Variants in ABCA2 observed in about 807,000 individuals in gnomAD.
The protein encoded by ABCA2 is ATP binding cassette subfamily A member 2.
In ABCA2, 84 loss-of-function variants were observed where a neutral mutation model predicts 262.8. The observed-to-expected ratio is 0.32, with a 90% CI of 0.27 to 0.38. The LOEUF is 0.38. ABCA2 is among the 10% of genes least tolerant of loss of function. The probability of loss-of-function intolerance (pLI) is 1.00; values close to 1 mark genes in which losing one functional copy is unlikely to be tolerated. For synonymous variants in ABCA2, 1,696 were observed against 1,502.9 expected, an observed-to-expected ratio of 1.13 and a Z score of -2.97; for missense variants, 2,662 against 3,405.9, an observed-to-expected ratio of 0.78 and a Z score of 5.44.
intron 40 of ABCA2, 91 bp downstream of exon 40, chr9:137,010,529 C>A (rs758662229): frequency 1.3e-6 from 2 of 1,501,332 alleles, no homozygotes; most frequent in South Asian, 1.1e-5. Context: ...CAGGGCCCTG[C>A]CCACCCAGGC....
chr9:137,018,741 C>T lies in ABCA2; in HGVS notation c.1797G>A (p.Gln599=). 1 of 1,611,644 alleles carries T rather than the reference C, an allele frequency of 6.2e-7. No individual in the cohort carries two copies. Among genetic ancestry groups the T allele is most frequent in the Non-Finnish European group, 8.5e-7 (1 of 1,179,706 alleles). Residue 599 remains glutamine, a synonymous_variant, in exon 13 of 49, where the codon CAG becomes CAA. Transcript: ENST00000341511. The stretch of plus-strand genomic sequence containing the variant: ...CACTGGCAAAAACAGTGACGTTGTC[C>T]TGGTAGGCCTGGTTGAGGGTGTAGT... ...IVNYTLNQAY[Q]DNVTVFASVI... is the part of the protein sequence containing the mutation.
upstream of ABCA2, chr9:137,028,571 AC>A: frequency 2.7e-6 from 2 of 747,826 alleles, no homozygotes; most frequent in Non-Finnish European, 3.5e-6. This position sits in a 1 kb window ranked among gnomAD's most constrained non-coding sequence, Gnocchi z 6.9. Context: ...GGCTGCGCCC[AC>A]CGCGCTGGCG....
At position 137,011,137 on chromosome 9, in the gene ABCA2, G is replaced by C; in HGVS notation, c.5924-32C>G. The C allele has an allele frequency of 6.2e-7, 1 of 1,611,940 alleles. No individual in the cohort carries two copies. Among genetic ancestry groups the C allele is most frequent in the Non-Finnish European group, 8.5e-7 (1 of 1,179,636 alleles). Reference sequence around the variant, plus strand: ...GGAGACAGCTCAGGGCCTGTGCTCTGGGCCTTGCGGGGCCCCCACCGCCTT... The same window carrying C: ...GGAGACAGCTCAGGGCCTGTGCTCTCGGCCTTGCGGGGCCCCCACCGCCTT... On this transcript the variant is annotated intron_variant, in intron 38 of 48. Transcript: ENST00000341511. This position sits in a 1 kb window ranked among gnomAD's most constrained non-coding sequence, Gnocchi z 8.8.
rs945552081 is a variant in ABCA2 at position 137,022,544 on chromosome 9, C to G, written c.440-66G>C. On this transcript the variant is annotated intron_variant, in intron 5 of 48. Transcript: ENST00000341511. Reference sequence around the variant, plus strand: ...TTGGCAAGGTGCCCCCACATGCGCTCGGAGCCGAGCCCAACACCACAGCTC... The same window carrying G: ...TTGGCAAGGTGCCCCCACATGCGCTGGGAGCCGAGCCCAACACCACAGCTC... The G allele has an allele frequency of 2.1e-5, 33 of 1,578,740 alleles. No individual in the cohort carries two copies. The South Asian group carries it at 3.4e-4, about 16-fold the overall frequency.
In ABCA2 at chr9:137,007,813, G is replaced by T; in HGVS notation, c.*116C>A. On this transcript the variant is annotated 3_prime_UTR_variant, in exon 49 of 49. Transcript: ENST00000341511. Reference sequence around the variant, plus strand: ...GGAGGACCAGAAGCCCCTTGGTCCTGAACCTCCACTCCAGGCCCTGGCAGG... The same window carrying T: ...GGAGGACCAGAAGCCCCTTGGTCCTTAACCTCCACTCCAGGCCCTGGCAGG... The T allele has an allele frequency of 7.0e-7, 1 of 1,431,106 alleles. No individual in the cohort carries two copies. The highest frequency in any genetic ancestry group is 1.4e-5 in the African/African-American group (1 of 70,964). 88.7% of individuals were successfully genotyped at this position (1,431,106 alleles called of 1,614,324 possible).
intron 32 of ABCA2, 51 bp from the exon 33 acceptor site, chr9:137,012,427 C>T (rs1831088032): frequency 6.2e-7 from 1 of 1,608,484 alleles, no homozygotes; most frequent in Non-Finnish European, 8.5e-7. Flanking sequence ...GACCTGGGTC[C>T]CTGCAGACCT....
Position 137,020,966 on chromosome 9 carries a change from C to T in ABCA2, c.993G>A (p.Gln331=). 6.4e-7 allele frequency: 1 copy of T among 1,554,964 alleles called. No individual in the cohort carries two copies. The highest frequency in any genetic ancestry group is 8.7e-7 in the Non-Finnish European group (1 of 1,149,358). ...GGACATCCACATCCTGCAGAACCTT[C>T]TGGGCATCCAGCAGGTCCCCCAGAA... ...QALLGDLLDA[Q]KVLQDVDVLS... Residue 331 remains glutamine, a synonymous_variant, in exon 9 of 49, where the codon CAG becomes CAA. Coordinates refer to ENST00000341511, the MANE Select transcript of ABCA2 (RefSeq NM_001606.5).
chr9:137,014,608 A>C, intron 26 of ABCA2, 82 bp downstream of exon 26: 1 of 1,530,542 alleles, frequency 6.5e-7, no homozygotes, highest in Non-Finnish European at 8.8e-7. Context: ...GCGCCCCCAG[A>C]CACCAGGCAG....
chr9:137,021,946 T>C lies in ABCA2; in HGVS notation c.623A>G (p.His208Arg). The C allele has an allele frequency of 1.2e-6, 2 of 1,604,876 alleles. No individual in the cohort carries two copies. The highest frequency in any genetic ancestry group is 1.7e-6 in the Non-Finnish European group (2 of 1,177,076). Residue 208 changes from histidine (H) to arginine (R), a missense_variant, in exon 7 of 49, where the codon CAC becomes CGC. This residue lies in a region of ABCA2 where 403 missense variants were observed against 375.9 expected (regional missense o/e 1.07). Transcript: ENST00000341511. The surrounding 1 kb of genome is among the most constrained non-coding windows in gnomAD (Gnocchi z 6.0). ...GCGGCTCCAGGGCTCCTGACCCTTG[T>C]GGAGGCCAGACTGTGAATCCAGGGC... ...SSALDSQSGL[H>R]KGQEPWSRLG...
chr9:137,011,419 G>A lies in ABCA2; in HGVS notation c.5787C>T (p.Phe1929=), dbSNP rs377542847. 139 of 1,611,176 alleles carry A rather than the reference G, an allele frequency of 8.6e-5. 2 individuals carry two copies. The highest frequency in any genetic ancestry group is 2.2e-4 in the South Asian group (20 of 90,802). Residue 1929 remains phenylalanine, a synonymous_variant, in exon 37 of 49, where the codon TTC becomes TTT. Coordinates refer to ENST00000341511, the MANE Select transcript of ABCA2 (RefSeq NM_001606.5). This position sits in a 1 kb window ranked among gnomAD's most constrained non-coding sequence, Gnocchi z 8.8. ...ATVATFLLQL[F]EHDKDLKVVN... ...GTCACCGCCCCACCTTGTCGTGCTC[G>A]AAGAGCTGTAGCAGGAAGGTGGCCA...
intron 9 of ABCA2, 51 bp from the exon 10 acceptor site, chr9:137,020,546 G>C: frequency 6.5e-7 from 1 of 1,548,006 alleles, no homozygotes; most frequent in East Asian, 2.3e-5. Flanking sequence ...GCAGGGCCGC[G>C]AGAGTGGGAG....
At position 137,011,558 on chromosome 9, in the gene ABCA2, C is replaced by T. The variant is rs754957868; in HGVS notation, c.5652-4G>A. 6.7e-5 allele frequency: 105 copies of T among 1,575,120 alleles called. 1 individual carries two copies. The highest frequency in any genetic ancestry group is 4.1e-4 in the South Asian group (36 of 86,752). On this transcript the variant is annotated splice_region_variant and splice_polypyrimidine_tract_variant and intron_variant, in intron 36 of 48. Coordinates refer to ENST00000341511, the MANE Select transcript of ABCA2 (RefSeq NM_001606.5). The surrounding 1 kb of genome is among the most constrained non-coding windows in gnomAD (Gnocchi z 8.8). ...CATGATGGGCGTGATGGACCACCTG[C>T]GGGCAGGTGGCGGGCAGTGGTCACC...
rs189392748 is a variant in ABCA2, at chr9:137,011,779, C to G, written c.5536-30G>C. The G allele has an allele frequency of 3.9e-6, 6 of 1,550,116 alleles. 1 individual carries two copies. In the South Asian group the frequency reaches 5.9e-5, roughly 15 times the overall value. ...AGGGGTGGGGGCGGCTGGTGAGAGACCCGGGGCAGGGCGGGGATGGGGGAT... is the reference window on the plus strand; with the variant it reads ...AGGGGTGGGGGCGGCTGGTGAGAGAGCCGGGGCAGGGCGGGGATGGGGGAT... On this transcript the variant is annotated intron_variant, in intron 35 of 48. Coordinates refer to ENST00000341511, the MANE Select transcript of ABCA2 (RefSeq NM_001606.5). This position sits in a 1 kb window ranked among gnomAD's most constrained non-coding sequence, Gnocchi z 8.8.
At chr9:137,023,903 G>A (rs1831564465) in intron 2 of ABCA2, 63 bp from the exon 3 acceptor site, 2 of 1,057,712 alleles carry the variant, frequency 1.9e-6, no homozygotes, top group Admixed American at 1.9e-5. Context: ...CAGAACAGAG[G>A]AGACCAGTGA....
chr9:137,014,949 C>T lies in ABCA2; in HGVS notation c.3846G>A (p.Glu1282=), dbSNP rs1383393834. Residue 1282 remains glutamate, a synonymous_variant, in exon 25 of 49, where the codon GAG becomes GAA. Coordinates refer to ENST00000341511, the MANE Select transcript of ABCA2 (RefSeq NM_001606.5). The part of the protein sequence containing the change: ...STELSYILPS[E]AAKKGAFERL... ...GCTCGAAAGCCCCCTTCTTGGCGGC[C>T]TCGCTGGGCAGGATGTAGGAGAGCT... 6.4e-7 allele frequency: 1 copy of T among 1,565,854 alleles called. No homozygotes were observed. Among genetic ancestry groups the T allele is most frequent in the South Asian group, 1.2e-5 (1 of 84,176 alleles).
chr9:137,012,186 G>A, intron 33 of ABCA2, 24 bp from the exon 34 acceptor site: 2 of 1,610,602 alleles, frequency 1.2e-6, no homozygotes, highest in East Asian at 2.2e-5. Context: ...GGCGGGGGCG[G>A]CAGCTTCAGG....
Position 137,019,389 on chromosome 9 carries a change from T to C in ABCA2, c.1426-83A>G. The C allele has an allele frequency of 6.7e-7, 1 of 1,500,116 alleles. No homozygotes were observed. Among genetic ancestry groups the C allele is most frequent in the Non-Finnish European group, 9.0e-7 (1 of 1,106,632 alleles). The allele number at this position is 1,500,116 out of a possible 1,614,324, so 92.9% of individuals were successfully genotyped here. A position where few individuals can be genotyped will look rare whatever the true frequency, so the allele number is the denominator to read the frequency against. On this transcript the variant is annotated intron_variant, in intron 10 of 48. Coordinates refer to ENST00000341511, the MANE Select transcript of ABCA2 (RefSeq NM_001606.5). This position sits in a 1 kb window ranked among gnomAD's most constrained non-coding sequence, Gnocchi z 4.4. ...GCTCTCACCCCACTCACCTCCCCAG[T>C]GGCTGGTCCATTGCCAACAACTAAC...
rs545438252 is a variant in ABCA2 at position 137,008,344 on chromosome 9, G to A, written c.7275+72C>T. Reference sequence around the variant, plus strand: ...GGCCAGTTCTCCCCCGACCCCACCCGCGGCTGGAGCCACCAGGCAGCCTGG... The same window carrying A: ...GGCCAGTTCTCCCCCGACCCCACCCACGGCTGGAGCCACCAGGCAGCCTGG... On this transcript the variant is annotated intron_variant, in intron 48 of 48. Transcript: ENST00000341511. The A allele has an allele frequency of 1.1e-4, 171 of 1,521,802 alleles. 1 individual carries two copies. The highest frequency in any genetic ancestry group is 2.0e-4 in the East Asian group (8 of 40,776). The allele number at this position is 1,521,802 out of a possible 1,614,324, so 94.3% of individuals were successfully genotyped here. A position where few individuals can be genotyped will look rare whatever the true frequency, so the allele number is the denominator to read the frequency against.
In ABCA2 at chr9:137,017,297, C is replaced by T; in HGVS notation, c.2452G>A (p.Gly818Ser). ...YSKAKLASACGGIIYFLSYVP... is the reference protein window; with the variant it reads ...YSKAKLASACSGIIYFLSYVP... ...TAGCTCAGGAAGTAGATGATGCCAC[C>T]GCAGGCCGAGGCCAGCTTGGCCTTG... Residue 818 changes from glycine to serine, a missense_variant, in exon 18 of 49, where the codon GGT (glycine) becomes AGT (serine). Physicochemically the swap from Gly to Ser is moderately conservative, Grantham distance 56. Coordinates refer to ENST00000341511, the MANE Select transcript of ABCA2 (RefSeq NM_001606.5). 1.9e-6 allele frequency: 3 copies of T among 1,612,674 alleles called. No homozygotes were observed. Among genetic ancestry groups the T allele is most frequent in the Admixed American group, 1.7e-5 (1 of 60,024 alleles).
Sources: gnomAD v4.1 joint callset for allele counts on GRCh38, gnomAD v4.1.1 for gene constraint, gnomAD v4.1.1 regional missense constraint, Gnocchi (gnomAD v3.1) non-coding constraint, MANE v1.5 for transcripts, NCBI Gene and HGNC (gene_info 2026-07-23, HGNC 2026-07-21) for gene names.